The following SHISA9 variants were observed in gnomAD, a reference collection of about 807,000 sequenced individuals.
The protein encoded by SHISA9 is protein shisa-9.
Under a neutral mutation model 38.0 loss-of-function variants are expected in SHISA9, and 13 were observed. That is an observed-to-expected ratio of 0.34 (90% CI 0.22 to 0.54). SHISA9 has a LOEUF of 0.54. SHISA9 is among the 20% of genes least tolerant of loss of function. The probability of loss-of-function intolerance (pLI) is 0.91; values close to 1 mark genes in which losing one functional copy is unlikely to be tolerated. For synonymous variants in SHISA9, 275 were observed against 242.0 expected (o/e 1.14, Z -1.27); for missense variants, 538 against 575.8 (o/e 0.93, Z 0.67).
At chr16:13,052,575 A>C (rs2073265182) in intron 2 of SHISA9, among the ~76,000 whole-genome samples, 1 of 152,236 alleles carries the variant, frequency 6.6e-6, no homozygotes, top group African/African-American at 2.4e-5. Context: ...TCTATGGCAG[A>C]AATACAACTG....
chr16:13,142,402 T>C (rs1444797212), intron 2 of SHISA9, among the ~76,000 whole-genome samples: 1 of 152,220 alleles, frequency 6.6e-6, no homozygotes, highest in African/African-American at 2.4e-5. Flanking sequence ...TCTGAGTTTT[T>C]CCAGGTTTCA....
At chr16:13,477,181 C>G in the SHISA9 span, among the ~76,000 whole-genome samples, 1 of 152,108 alleles carries the variant, frequency 6.6e-6, no homozygotes, top group Non-Finnish European at 1.5e-5. Context: ...TAATAGATCT[C>G]CCTGTCTACA....
intron 3 of SHISA9, 43 bp downstream of exon 3, chr16:13,203,592 C>T (rs1429173956): frequency 2.1e-6 from 3 of 1,430,878 alleles, no homozygotes; most frequent in Non-Finnish European, 2.8e-6. Context: ...CTCCTCTTCG[C>T]TCTCCTTTGC....
chr16:13,057,167 C>A (rs1341481310), intron 2 of SHISA9, among the ~76,000 whole-genome samples: 1 of 152,172 alleles, frequency 6.6e-6, no homozygotes, highest in African/African-American at 2.4e-5. Flanking sequence ...CCAGGTGAGG[C>A]TCAGAGGGCC....
At chr16:13,453,270 T>G in the SHISA9 span, among the ~76,000 whole-genome samples, 1 of 152,192 alleles carries the variant, frequency 6.6e-6, no homozygotes, top group Non-Finnish European at 1.5e-5. Context: ...AGGCTCCTTA[T>G]TGCAAACTTT....
intron 2 of SHISA9, 60 bp downstream of exon 2, chr16:12,916,875 T>C (rs919621302): frequency 2.0e-6 from 3 of 1,515,812 alleles, no homozygotes; most frequent in African/African-American, 2.8e-5. Context: ...AGTGGTCACA[T>C]TGCCAGATTT....
At chr16:13,442,856 T>C in the SHISA9 span, among the ~76,000 whole-genome samples, 1 of 152,160 alleles carries the variant, frequency 6.6e-6, no homozygotes, top group Non-Finnish European at 1.5e-5. Context: ...CATGGGAGTG[T>C]ATACTAAGTT....
chr16:13,027,993 T>C (rs2072945940), intron 2 of SHISA9, among the ~76,000 whole-genome samples: 3 of 143,824 alleles, frequency 2.1e-5, no homozygotes, highest in African/African-American at 7.9e-5. Flanking sequence ...AAAAAGTGTA[T>C]ATTGTATGAT....
intron 2 of SHISA9, among the ~76,000 whole-genome samples, chr16:13,150,049 A>C (rs1043284274): frequency 6.7e-6 from 1 of 150,138 alleles, no homozygotes; most frequent in African/African-American, 2.4e-5. Context: ...AAAAAAAAAA[A>C]AAAAAACTAG....
intron 2 of SHISA9, among the ~76,000 whole-genome samples, chr16:13,082,097 C>A (rs1465289743): frequency 2.0e-5 from 3 of 152,168 alleles, no homozygotes; most frequent in African/African-American, 7.2e-5. Flanking sequence ...CAGAACCCCC[C>A]AAAGGGGAAA....
intron 2 of SHISA9, among the ~76,000 whole-genome samples, chr16:13,000,994 A>G (rs2072517251): frequency 6.6e-6 from 1 of 151,984 alleles, no homozygotes; most frequent in Admixed American, 6.6e-5. Flanking sequence ...CAGTGTTGCA[A>G]TTGGCTCACT....
At chr16:13,183,995 G>C (rs548838824) in intron 2 of SHISA9, among the ~76,000 whole-genome samples, 11 of 152,124 alleles carry the variant, frequency 7.2e-5, no homozygotes, top group African/African-American at 2.7e-4. Context: ...TCCACACTCT[G>C]GGGGAGGGAC....
At chr16:13,377,846 G>T in the SHISA9 span, among the ~76,000 whole-genome samples, 1 of 152,048 alleles carries the variant, frequency 6.6e-6, no homozygotes, top group Admixed American at 6.6e-5. Flanking sequence ...TGTCCAACAT[G>T]GTGAAACCCC....
At chr16:12,950,995 G>A (rs1482195553) in intron 2 of SHISA9, among the ~76,000 whole-genome samples, 1 of 150,556 alleles carries the variant, frequency 6.6e-6, no homozygotes, top group East Asian at 2.0e-4. Flanking sequence ...GACGAGGCGG[G>A]TGGATCACTT....
chr16:12,996,852 C>T (rs886329820), intron 2 of SHISA9, among the ~76,000 whole-genome samples: 24 of 152,108 alleles, frequency 1.6e-4, no homozygotes, highest in African/African-American at 5.5e-4. Flanking sequence ...TAAGAAAATT[C>T]GAAAAAGATG....
chr16:13,125,485 T>G (rs985673760), intron 2 of SHISA9, among the ~76,000 whole-genome samples: 1 of 152,178 alleles, frequency 6.6e-6, no homozygotes. Context: ...GTGGTAACAC[T>G]TATCTCACAG....
the SHISA9 span, among the ~76,000 whole-genome samples, chr16:13,469,373 G>GA: frequency 0.022 from 1,827 of 82,038 alleles, 21 homozygotes; most frequent in Admixed American, 0.048. Context: ...GAAAAAGAAA[G>GA]AAAGAAAGAA....
chr16:13,345,245 C>T, the SHISA9 span, among the ~76,000 whole-genome samples: 1 of 152,108 alleles, frequency 6.6e-6, no homozygotes, highest in Non-Finnish European at 1.5e-5. Context: ...TTTTCCTGAT[C>T]CTCTCCCTCC....
chr16:13,540,881 C>T, the SHISA9 span, among the ~76,000 whole-genome samples: 1 of 152,186 alleles, frequency 6.6e-6, no homozygotes, highest in African/African-American at 2.4e-5. Context: ...CTTGCCATCT[C>T]ATTTGCTGTC....
Sources: allele counts gnomAD v4.1 joint callset (sites outside exome capture counted in the v4.1 genomes callset), GRCh38; gene constraint gnomAD v4.1.1; transcripts MANE v1.5; gene names NCBI Gene and HGNC (gene_info 2026-07-23, HGNC 2026-07-21).